B3GAT2: variants seen among roughly 807,000 people sequenced by gnomAD.
B3GAT2 encodes beta-1,3-glucuronyltransferase 2.
Under a neutral mutation model 27.8 loss-of-function variants are expected in B3GAT2, and 26 were observed. The observed-to-expected ratio is 0.93, with a 90% CI of 0.68 to 1.30. The LOEUF (loss-of-function observed/expected upper bound fraction) is 1.30. Ranked by LOEUF, B3GAT2 falls within the 50% of genes most tolerant of loss-of-function variation. The pLI, the probability that B3GAT2 is intolerant of heterozygous loss-of-function variation, is 0.00. For missense variants in B3GAT2, 458 were observed against 459.0 expected, an observed-to-expected ratio of 1.00 and a Z score of 0.02; for synonymous variants, 218 against 195.1, an observed-to-expected ratio of 1.12 and a Z score of -0.98.
chr6:70,913,082 G>A (rs979829718), intron 1 of B3GAT2, among the ~76,000 whole-genome samples: 1 of 151,986 alleles, frequency 6.6e-6, no homozygotes, highest in Non-Finnish European at 1.5e-5. Context: ...ATAATCAGTG[G>A]TCTATCCATC....
Position 70,859,568 on chromosome 6 carries a change from A to G in B3GAT2, c.*2095T>C, listed in dbSNP as rs914796149. On this transcript the variant is annotated 3_prime_UTR_variant, in exon 4 of 4. Coordinates refer to ENST00000230053, the MANE Select transcript of B3GAT2 (RefSeq NM_080742.3). ...AGTGTAAGTTTTAAACCCACTCACT[A>G]TATGGTAAATCTTGCCTTTCCTTCT... 3 of 486,958 alleles carry G rather than the reference A, an allele frequency of 6.2e-6. No homozygotes were observed. Among genetic ancestry groups the G allele is most frequent in the Admixed American group, 4.0e-5 (1 of 25,292 alleles). 30.2% of individuals were successfully genotyped at this position (486,958 alleles called of 1,614,324 possible).
chr6:70,915,510 G>GT (rs781569907), intron 1 of B3GAT2, among the ~76,000 whole-genome samples: 1 of 152,258 alleles, frequency 6.6e-6, no homozygotes, highest in Non-Finnish European at 1.5e-5. Context: ...TATTGCCTAG[G>GT]TTTTTTTGTA....
Position 70,898,389 on chromosome 6 carries a change from C to T in B3GAT2, c.592-4117G>A, listed in dbSNP as rs143607015. Among the ~76,000 whole-genome samples, 770 of 151,844 alleles carry T rather than the reference C, an allele frequency of 5.1e-3. 9 individuals carry two copies. Among genetic ancestry groups the T allele is most frequent in the African/African-American group, 0.018 (729 of 41,446 alleles). ...ACTAAAATTTTCATAAAAATATAGT[C>T]CCCCCCACCTCCCCAACTCACTCCA... is the stretch of plus-strand genomic sequence containing the variant. On this transcript the variant is annotated intron_variant, in intron 1 of 3. Coordinates refer to ENST00000230053, the MANE Select transcript of B3GAT2 (RefSeq NM_080742.3).
At chr6:70,896,620 T>G (rs531377191) in intron 1 of B3GAT2, among the ~76,000 whole-genome samples, 141 of 152,304 alleles carry the variant, frequency 9.3e-4, no homozygotes, top group African/African-American at 3.4e-3. Flanking sequence ...CTCTAGAATT[T>G]TGTATGAATG....
rs747142843 is a variant in B3GAT2, at chr6:70,858,173, C to T, written c.*3490G>A. ...AGGAATGGTGGGACAAATGGGTGCA[C>T]CCCAGAGTAAGTTTGGCCTGCCGCA... is the stretch of plus-strand genomic sequence containing the variant. On this transcript the variant is annotated 3_prime_UTR_variant, in exon 4 of 4. Transcript: ENST00000230053. The T allele has an allele frequency of 4.3e-6, 7 of 1,613,848 alleles. No individual in the cohort carries two copies. Among genetic ancestry groups the T allele is most frequent in the Admixed American group, 3.3e-5 (2 of 60,000 alleles).
intron 1 of B3GAT2, among the ~76,000 whole-genome samples, chr6:70,900,402 A>G (rs1299754065): frequency 7.6e-6 from 1 of 131,364 alleles, no homozygotes; most frequent in African/African-American, 2.6e-5. Flanking sequence ...CTTAACAACA[A>G]CCGGCTCTTT....
intron 1 of B3GAT2, among the ~76,000 whole-genome samples, chr6:70,932,367 A>C (rs1773075113): frequency 6.6e-6 from 1 of 152,230 alleles, no homozygotes; most frequent in South Asian, 2.1e-4. Flanking sequence ...AGTATTATTC[A>C]CAATAGGTAA....
intron 2 of B3GAT2, among the ~76,000 whole-genome samples, chr6:70,862,639 A>G (rs1294623197): frequency 6.6e-6 from 1 of 152,196 alleles, no homozygotes; most frequent in Non-Finnish European, 1.5e-5. Context: ...TTTACCAAAA[A>G]TAAGTGTAAA....
At chr6:70,912,663 T>C (rs1386683359) in intron 1 of B3GAT2, among the ~76,000 whole-genome samples, 1 of 151,846 alleles carries the variant, frequency 6.6e-6, no homozygotes, top group Non-Finnish European at 1.5e-5. Flanking sequence ...GCTGGCCTTA[T>C]ATCAGGATGA....
intron 1 of B3GAT2, among the ~76,000 whole-genome samples, chr6:70,930,516 T>A (rs1487009654): frequency 6.6e-6 from 1 of 151,870 alleles, no homozygotes; most frequent in Non-Finnish European, 1.5e-5. Context: ...AACAACCCCA[T>A]CAAAAAGTGG....
rs182767613 is a variant in B3GAT2 at position 70,907,108 on chromosome 6, G to A, written c.592-12836C>T. Among the ~76,000 whole-genome samples the A allele has an allele frequency of 1.3e-4, 20 of 152,176 alleles. No homozygotes were observed. In the East Asian group the frequency reaches 3.7e-3, roughly 28 times the overall value. The stretch of plus-strand genomic sequence containing the variant: ...ATCTACTTTCTTCTCTTCCTTATTG[G>A]CTAAGCTTCATTTTGGTTCAAATGG... On this transcript the variant is annotated intron_variant, in intron 1 of 3. Transcript: ENST00000230053.
chr6:70,942,718 T>C (rs377559226), intron 1 of B3GAT2, among the ~76,000 whole-genome samples: 3 of 152,160 alleles, frequency 2.0e-5, no homozygotes, highest in African/African-American at 7.2e-5. Flanking sequence ...TTGTACACAG[T>C]AGGTGCTCAA....
intron 2 of B3GAT2, among the ~76,000 whole-genome samples, chr6:70,892,096 T>C (rs1298471753): frequency 5.3e-5 from 8 of 152,212 alleles, no homozygotes; most frequent in Admixed American, 4.6e-4. Context: ...TTTATTCCTA[T>C]TTTAAAACCA....
intron 1 of B3GAT2, among the ~76,000 whole-genome samples, chr6:70,931,061 A>G (rs890566861): frequency 1.3e-5 from 2 of 152,184 alleles, no homozygotes; most frequent in Non-Finnish European, 2.9e-5. Flanking sequence ...GGAAACCATC[A>G]TTCTGAGCAA....
chr6:70,861,764 A>T lies in B3GAT2; in HGVS notation c.886-15T>A, dbSNP rs1582333510. ...CACACGAGAACCTGAAGGGGAAGGA[A>T]ATAGCTTGGGTAGCGCACTCTTCAT... On this transcript the variant is annotated splice_polypyrimidine_tract_variant and intron_variant, in intron 3 of 3. Coordinates refer to ENST00000230053, the MANE Select transcript of B3GAT2 (RefSeq NM_080742.3). The T allele has an allele frequency of 6.2e-7, 1 of 1,614,062 alleles. No homozygotes were observed. Among genetic ancestry groups the T allele is most frequent in the Non-Finnish European group, 8.5e-7 (1 of 1,179,964 alleles).
In B3GAT2 at chr6:70,955,877, C is replaced by T; in HGVS notation, c.553G>A (p.Asp185Asn). Residue 185 changes from aspartate (D) to asparagine (N), a missense_variant, in exon 1 of 4, where the codon GAC becomes AAC. By Grantham distance (23) the Asp-to-Asn change is conservative. Transcript: ENST00000230053. ...TCCAGACTATAGGTGTTGTCGTCGTCAGCGAAGAAGAGCACGCCGGGCTGC... is the reference window on the plus strand; with the variant it reads ...TCCAGACTATAGGTGTTGTCGTCGTTAGCGAAGAAGAGCACGCCGGGCTGC... ...RAQPGVLFFA[D>N]DDNTYSLELF... The T allele has an allele frequency of 6.2e-7, 1 of 1,605,724 alleles. No homozygotes were observed. The highest frequency in any genetic ancestry group is 8.5e-7 in the Non-Finnish European group (1 of 1,176,978).
chr6:70,904,394 A>G (rs1772561949), intron 1 of B3GAT2, among the ~76,000 whole-genome samples: 1 of 152,234 alleles, frequency 6.6e-6, no homozygotes, highest in African/African-American at 2.4e-5. Flanking sequence ...GGTGGTTTCA[A>G]TATGAACTCA....
chr6:70,934,447 T>C (rs909888905), intron 1 of B3GAT2, among the ~76,000 whole-genome samples: 1 of 144,246 alleles, frequency 6.9e-6, no homozygotes, highest in African/African-American at 2.5e-5. Flanking sequence ...TTAAATGCAC[T>C]GTCCCACCTA....
At chr6:70,929,464 C>A (rs1773023190) in intron 1 of B3GAT2, among the ~76,000 whole-genome samples, 1 of 152,108 alleles carries the variant, frequency 6.6e-6, no homozygotes, top group African/African-American at 2.4e-5. Flanking sequence ...CGTCTCAGCC[C>A]AAAATCTCCT....
Sources: gnomAD v4.1 joint callset for allele counts (sites outside exome capture counted in the v4.1 genomes callset) on GRCh38, gnomAD v4.1.1 for gene constraint, MANE v1.5 for transcripts, NCBI Gene and HGNC (gene_info 2026-07-23, HGNC 2026-07-21) for gene names.